The following ITGA11 variants were observed in gnomAD, a reference collection of about 807,000 sequenced individuals.
ITGA11 encodes the protein integrin subunit alpha 11, also known as integrin alpha-11.
A neutral mutation model predicts 141.9 loss-of-function variants in ITGA11; 97 were observed. That is an observed-to-expected ratio of 0.68 (90% CI 0.58 to 0.81). The LOEUF (loss-of-function observed/expected upper bound fraction) is 0.81, where lower values mean the gene tolerates loss of function less well. Ranked by LOEUF, ITGA11 falls within the 30% of genes least tolerant of loss-of-function variation. The pLI, the probability that ITGA11 is intolerant of heterozygous loss-of-function variation, is 0.00. For synonymous variants in ITGA11, 658 were observed against 624.6 expected (o/e 1.05, Z -0.80); for missense variants, 1,387 against 1,559.2 (o/e 0.89, Z 1.86).
At chr15:68,311,536 C>G in intron 24 of ITGA11, 133 bp from the exon 25 acceptor site, 1 of 638,698 alleles carries the variant, frequency 1.6e-6, no homozygotes, top group South Asian at 1.8e-5. Context: ...CTCAAGACCC[C>G]TGGTGTTTTC....
At chr15:68,317,471 G>A in intron 20 of ITGA11, 108 bp from the exon 21 acceptor site, 3 of 784,208 alleles carry the variant, frequency 3.8e-6, no homozygotes, top group Non-Finnish European at 6.9e-6. Context: ...GGCCGCCTCA[G>A]CCCCTGATAC....
At chr15:68,413,917 A>T (rs572775272) in intron 1 of ITGA11, among the ~76,000 whole-genome samples, 20 of 152,236 alleles carry the variant, frequency 1.3e-4, no homozygotes, top group Admixed American at 1.3e-3. Flanking sequence ...GAACGAAAGA[A>T]AATCACCATC....
intron 1 of ITGA11, among the ~76,000 whole-genome samples, chr15:68,408,524 T>C (rs1362675957): frequency 6.6e-6 from 1 of 152,006 alleles, no homozygotes; most frequent in African/African-American, 2.4e-5. Context: ...ATGGGTCCTA[T>C]CAGCTTGGGA....
At chr15:68,367,551 CT>C (rs1895462298) in intron 3 of ITGA11, among the ~76,000 whole-genome samples, 2 of 152,164 alleles carry the variant, frequency 1.3e-5, no homozygotes, top group African/African-American at 4.8e-5. Context: ...CCATCACCCC[CT>C]AGCCACTCTT....
At chr15:68,329,223 G>T (rs1430436921) in intron 15 of ITGA11, among the ~76,000 whole-genome samples, 1 of 152,200 alleles carries the variant, frequency 6.6e-6, no homozygotes, top group Non-Finnish European at 1.5e-5. Flanking sequence ...CAGAGGAGGT[G>T]AGAATGTCCT....
intron 1 of ITGA11, among the ~76,000 whole-genome samples, chr15:68,429,570 C>A (rs1897223239): frequency 6.6e-6 from 1 of 152,166 alleles, no homozygotes; most frequent in African/African-American, 2.4e-5. Flanking sequence ...TCAACTTGGC[C>A]TCTGACAGGT....
At chr15:68,309,194 A>C (rs1893298885) in intron 26 of ITGA11, among the ~76,000 whole-genome samples, 1 of 152,276 alleles carries the variant, frequency 6.6e-6, no homozygotes, top group Non-Finnish European at 1.5e-5. Flanking sequence ...AGTCAAAGCA[A>C]ACACAGATCA....
Position 68,356,054 on chromosome 15 carries a change from G to A in ITGA11, c.749+1097C>T, listed in dbSNP as rs1042738419. ...TAGCCTTCTGCATAGACAACATCTA[G>A]GGATAACATTTATCTGGATGAGTGA... On this transcript the variant is annotated intron_variant, in intron 7 of 29. Coordinates refer to ENST00000315757, the MANE Select transcript of ITGA11 (RefSeq NM_001004439.2). Among the ~76,000 whole-genome samples, 4 of 152,226 alleles carry A rather than the reference G, an allele frequency of 2.6e-5. No individual in the cohort carries two copies. The South Asian group carries it at 6.2e-4, about 24-fold the overall frequency.
chr15:68,366,570 C>T (rs1401756317), intron 3 of ITGA11, among the ~76,000 whole-genome samples: 1 of 151,984 alleles, frequency 6.6e-6, no homozygotes, highest in Non-Finnish European at 1.5e-5. Flanking sequence ...CCTCTCCTTC[C>T]TCCCTCTCCC....
chr15:68,346,394 C>G (rs1037751604), intron 10 of ITGA11, among the ~76,000 whole-genome samples: 4 of 152,110 alleles, frequency 2.6e-5, no homozygotes, highest in African/African-American at 9.7e-5. Context: ...TTTTAATGTC[C>G]TCCTCTTTTT....
At position 68,379,123 on chromosome 15, in the gene ITGA11, A is replaced by G; in HGVS notation, c.165-9839T>C. Among the ~76,000 whole-genome samples the G allele has an allele frequency of 1.3e-5, 2 of 152,168 alleles. 1 individual carries two copies. Among genetic ancestry groups the G allele is most frequent in the Non-Finnish European group, 2.9e-5 (2 of 68,032 alleles). ...AGCACCCCTCCCCATCTCACACCCC[A>G]GTGCCAGTCACACGCGGCTGCTCGT... On this transcript the variant is annotated intron_variant, in intron 2 of 29. Coordinates refer to ENST00000315757, the MANE Select transcript of ITGA11 (RefSeq NM_001004439.2).
intron 4 of ITGA11, among the ~76,000 whole-genome samples, chr15:68,362,693 G>A (rs992916573): frequency 6.6e-6 from 1 of 152,052 alleles, no homozygotes; most frequent in African/African-American, 2.4e-5. Context: ...ATGGAAGGAT[G>A]ATGGATAGAT....
rs200375208 is a variant in ITGA11, at chr15:68,332,317, C to T, written c.1566+21G>A. 1.3e-4 allele frequency: 206 copies of T among 1,593,568 alleles called. 2 individuals are homozygous for T. The highest frequency in any genetic ancestry group is 5.0e-4 in the Middle Eastern group (3 of 6,054). On this transcript the variant is annotated intron_variant, in intron 13 of 29. Transcript: ENST00000315757. ...AGGTTGGGGGCACCTGAGAAGCTGC[C>T]CAGCCCCTGCCCAGCTGTACCTGTC...
chr15:68,317,313 C>T lies in ITGA11; in HGVS notation c.2667G>A (p.Gln889=), dbSNP rs1267756721. 2 of 1,613,760 alleles carry T rather than the reference C, an allele frequency of 1.2e-6. No homozygotes were observed. Among genetic ancestry groups the T allele is most frequent in the East Asian group, 4.5e-5 (2 of 44,892 alleles). The change falls in exon 21 of 30, where the codon CAG becomes CAA. Residue 889 remains glutamine (Q), a synonymous_variant. Transcript: ENST00000315757. The part of the protein sequence containing the change: ...IECVNEERRL[Q]KQVCNVSYPF... ...GATAGCTGACGTTGCAGACTTGCTT[C>T]TGGAGCCTCCTCTCCTCGTTCACAC...
At chr15:68,312,495 C>T (rs1387475399) in intron 24 of ITGA11, among the ~76,000 whole-genome samples, 1 of 152,164 alleles carries the variant, frequency 6.6e-6, no homozygotes, top group Admixed American at 6.5e-5. Flanking sequence ...AGAGTAAACC[C>T]TAGTGTGTTT....
chr15:68,430,235 C>T (rs1897238241), intron 1 of ITGA11, among the ~76,000 whole-genome samples: 1 of 152,144 alleles, frequency 6.6e-6, no homozygotes, highest in Non-Finnish European at 1.5e-5. Flanking sequence ...ATTCTCTGCC[C>T]CCTCCTCCTT....
At chr15:68,318,980 G>A (rs1024127835) in intron 20 of ITGA11, among the ~76,000 whole-genome samples, 6 of 152,236 alleles carry the variant, frequency 3.9e-5, no homozygotes, top group African/African-American at 1.4e-4. Context: ...CTAAGACAGG[G>A]CTCTTGCCAC....
At chr15:68,406,568 C>T (rs941664040) in intron 1 of ITGA11, among the ~76,000 whole-genome samples, 16 of 152,330 alleles carry the variant, frequency 1.1e-4, no homozygotes, top group African/African-American at 2.9e-4. Context: ...CCTTCCTGTG[C>T]TCCATTTTTC....
intron 9 of ITGA11, among the ~76,000 whole-genome samples, chr15:68,349,863 G>A (rs947025071): frequency 5.3e-5 from 8 of 152,212 alleles, no homozygotes; most frequent in Admixed American, 1.3e-4. Flanking sequence ...TTCAGAATAC[G>A]GAGTCAGACT....
Sources: gnomAD v4.1 joint callset for allele counts (sites outside exome capture counted in the v4.1 genomes callset) on GRCh38, gnomAD v4.1.1 for gene constraint, MANE v1.5 for transcripts, NCBI Gene and HGNC (gene_info 2026-07-23, HGNC 2026-07-21) for gene names.